The following NRXN2 variants were observed in gnomAD, a reference collection of about 807,000 sequenced individuals.
NRXN2 encodes neurexin 2, also known as neurexin-2-beta.
Under a neutral mutation model 128.8 loss-of-function variants are expected in NRXN2, and 29 were observed. The observed-to-expected ratio is 0.23, with a 90% confidence interval of 0.17 to 0.31. The LOEUF (loss-of-function observed/expected upper bound fraction) is 0.31, where lower values mean the gene tolerates loss of function less well. NRXN2 is among the 10% of genes least tolerant of loss of function. NRXN2 has a pLI of 1.00. For synonymous variants in NRXN2, 1,098 were observed against 1,075.2 expected (o/e 1.02, Z -0.41); for missense variants, 1,881 against 2,452.6 (o/e 0.77, Z 4.92).
chr11:64,678,078 A>G (rs2051610029), intron 6 of NRXN2, among the ~76,000 whole-genome samples: 1 of 152,120 alleles, frequency 6.6e-6, no homozygotes, highest in Non-Finnish European at 1.5e-5. Flanking sequence ...GTCACTGAGG[A>G]GAGGGGCAGC....
Position 64,668,546 on chromosome 11 carries a change from G to A in NRXN2, c.1256C>T (p.Thr419Ile). 1 of 1,614,088 alleles carries A rather than the reference G, an allele frequency of 6.2e-7. No individual in the cohort carries two copies. Among genetic ancestry groups the A allele is most frequent in the Non-Finnish European group, 8.5e-7 (1 of 1,180,036 alleles). Reference protein sequence around the residue: ...TTTGYTQEDYTMLGSDDFFYI... With the variant: ...TTTGYTQEDYIMLGSDDFFYI... Reference sequence around the variant, plus strand: ...GAAGAAGTCATCAGAGCCCAGCATGGTGTAATCCTCCTGCGTGTAGCCTGT... The same window carrying A: ...GAAGAAGTCATCAGAGCCCAGCATGATGTAATCCTCCTGCGTGTAGCCTGT... The change falls in exon 8 of 23, where the codon ACC becomes ATC. Residue 419 changes from threonine to isoleucine, a missense_variant. This residue lies in a region of NRXN2 where 997 missense variants were observed against 1,240.8 expected (regional missense o/e 0.80). Transcript: ENST00000265459.
Position 64,713,324 on chromosome 11 carries a change from G to A in NRXN2, c.376C>T (p.Leu126=). ...GCGCGGGCCTCGCCGTCCACCGCCA[G>A]CGCCGTGCGGCGCGCGTCGCGGGTC... ...LLTRDARRTA[L]AVDGEARAAE... is the part of the protein sequence containing the mutation. Residue 126 remains leucine, a synonymous_variant, in exon 2 of 23, where the codon CTG becomes TTG. Coordinates refer to ENST00000265459, the MANE Select transcript of NRXN2 (RefSeq NM_015080.4). 7.3e-7 allele frequency: 1 copy of A among 1,371,100 alleles called. No individual in the cohort carries two copies. The highest frequency in any genetic ancestry group is 1.7e-5 in the South Asian group (1 of 59,322). 84.9% of individuals were successfully genotyped at this position (1,371,100 alleles called of 1,614,324 possible).
chr11:64,685,895 G>T lies in NRXN2; in HGVS notation c.903C>A (p.Asp301Glu), dbSNP rs2052972018. Residue 301 changes from aspartate to glutamate, a missense_variant, in exon 6 of 23, where the codon GAC becomes GAA. Transcript: ENST00000265459. Reference sequence around the variant, plus strand: ...TGCTCTGGATGGGGTTGTGTGACAGGTCGTAGCAGAAGAACTCATTGCCTT... The same window carrying T: ...TGCTCTGGATGGGGTTGTGTGACAGTTCGTAGCAGAAGAACTCATTGCCTT... ...TFKGNEFFCY[D>E]LSHNPIQSST... 6.2e-7 allele frequency: 1 copy of T among 1,614,054 alleles called. No individual in the cohort carries two copies. Among genetic ancestry groups the T allele is most frequent in the Non-Finnish European group, 8.5e-7 (1 of 1,180,046 alleles).
rs71579872 is a variant in NRXN2 at position 64,606,516 on chromosome 11, C to A, written c.*680G>T. 1.7e-3 allele frequency: 241 copies of A among 142,892 alleles called. No homozygotes were observed. Among genetic ancestry groups the A allele is most frequent in the Non-Finnish European group, 3.0e-3 (199 of 66,370 alleles). The allele number at this position is 142,892 out of a possible 1,614,324, so 8.9% of individuals were successfully genotyped here. A position where few individuals can be genotyped will look rare whatever the true frequency, so the allele number is the denominator to read the frequency against. On this transcript the variant is annotated 3_prime_UTR_variant, in exon 23 of 23. Transcript: ENST00000265459. Reference sequence around the variant, plus strand: ...CGCCCGGCGGCACACACAGAACAGGCCTTCCGTCAGGCCTGAGCCCCTTCC... The same window carrying A: ...CGCCCGGCGGCACACACAGAACAGGACTTCCGTCAGGCCTGAGCCCCTTCC...
At position 64,711,872 on chromosome 11, in the gene NRXN2, T is replaced by C. The variant is rs73492200; in HGVS notation, c.730+1098A>G. On this transcript the variant is annotated intron_variant, in intron 2 of 22. Transcript: ENST00000265459. ...ACTCTTCGGAGGCGCTCTGAGGATT[T>C]TGTGGTGAAAAAGAAACACTCGCTT... 7.2e-3 allele frequency among the ~76,000 whole-genome samples: 1,092 copies of C among 152,302 alleles called. 8 individuals carry two copies. Among genetic ancestry groups the C allele is most frequent in the African/African-American group, 0.025 (1,046 of 41,544 alleles).
At chr11:64,700,517 A>C (rs1031144592) in intron 2 of NRXN2, among the ~76,000 whole-genome samples, 2 of 152,186 alleles carry the variant, frequency 1.3e-5, no homozygotes, top group Non-Finnish European at 2.9e-5. Context: ...CCTCACTGCA[A>C]CACAGAGCTC....
At chr11:64,691,874 G>C (rs1285808591) in intron 4 of NRXN2, among the ~76,000 whole-genome samples, 1 of 152,112 alleles carries the variant, frequency 6.6e-6, no homozygotes, top group Non-Finnish European at 1.5e-5. Flanking sequence ...CCTGCCTACC[G>C]GCTAAGGACC....
chr11:64,691,216 T>C (rs139148427), intron 4 of NRXN2, among the ~76,000 whole-genome samples: 197 of 152,286 alleles, frequency 1.3e-3, no homozygotes, highest in African/African-American at 4.0e-3. Flanking sequence ...GCTGTGCAAG[T>C]CAAAGGAGAT....
At chr11:64,679,687 T>C (rs2051908137) in intron 6 of NRXN2, among the ~76,000 whole-genome samples, 1 of 152,208 alleles carries the variant, frequency 6.6e-6, no homozygotes, top group South Asian at 2.1e-4. Flanking sequence ...GTTCTAACCC[T>C]TGGGCCTTCC....
In NRXN2 at chr11:64,713,556, C is replaced by A; in HGVS notation, c.144G>T (p.Ala48=). The change falls in exon 2 of 23, where the codon GCG becomes GCT. Residue 48 remains alanine, a synonymous_variant. Coordinates refer to ENST00000265459, the MANE Select transcript of NRXN2 (RefSeq NM_015080.4). ...GGCTGAAGCTGAGCTCGCCGCTGCT[C>A]GCCGCGCCCGCCCAGCGCGCGTAGC... The part of the protein sequence containing the change: ...WARYARWAGA[A]SSGELSFSLR... 7.0e-7 allele frequency: 1 copy of A among 1,427,252 alleles called. No individual in the cohort carries two copies. Among genetic ancestry groups the A allele is most frequent in the South Asian group, 1.4e-5 (1 of 72,494 alleles). 88.4% of individuals were successfully genotyped at this position (1,427,252 alleles called of 1,614,324 possible).
chr11:64,712,731 C>G (rs776818988), intron 2 of NRXN2: 1 of 663,396 alleles, frequency 1.5e-6, no homozygotes, highest in South Asian at 1.5e-5. Context: ...CACAGGTCGC[C>G]GCAGGACTCA....
At chr11:64,674,715 G>C in intron 7 of NRXN2, among the ~76,000 whole-genome samples, 1 of 152,124 alleles carries the variant, frequency 6.6e-6, no homozygotes, top group South Asian at 2.1e-4. Context: ...TGTTCTCCAG[G>C]GTTTGCTAGG....
chr11:64,654,534 G>A (rs1446246846), intron 11 of NRXN2, among the ~76,000 whole-genome samples: 4 of 152,190 alleles, frequency 2.6e-5, no homozygotes, highest in Admixed American at 2.0e-4. Flanking sequence ...GCCCCAGTCC[G>A]GTCCTGGCAT....
At chr11:64,654,121 G>C (rs1451362381) in intron 11 of NRXN2, among the ~76,000 whole-genome samples, 1 of 152,182 alleles carries the variant, frequency 6.6e-6, no homozygotes, top group Non-Finnish European at 1.5e-5. Flanking sequence ...GATGGGTGGG[G>C]AGAGCCAGAA....
chr11:64,708,544 T>C (rs1480703386), intron 2 of NRXN2, among the ~76,000 whole-genome samples: 1 of 152,220 alleles, frequency 6.6e-6, no homozygotes, highest in African/African-American at 2.4e-5. Context: ...CACTGAGCTC[T>C]GTCTTCAATT....
rs2042130529 is a variant in NRXN2, at chr11:64,620,310, C to T, written c.4236G>A (p.Glu1412=). The change falls in exon 22 of 23, where the codon GAG becomes GAA. Residue 1412 remains glutamate (E), a synonymous_variant. Transcript: ENST00000265459. ...GGCACTCACCAGTACTGGGCTCACACTCCTCCAGGTCCTCATCATCGCTTG... is the reference window on the plus strand; with the variant it reads ...GGCACTCACCAGTACTGGGCTCACATTCCTCCAGGTCCTCATCATCGCTTG... ...ECPSDDEDLE[E]CEPSTGGELI... is the part of the protein sequence containing the mutation. 6.4e-7 allele frequency: 1 copy of T among 1,553,366 alleles called. No homozygotes were observed. Among genetic ancestry groups the T allele is most frequent in the Non-Finnish European group, 8.7e-7 (1 of 1,147,932 alleles).
chr11:64,664,079 C>T (rs2049430906), intron 9 of NRXN2, among the ~76,000 whole-genome samples: 1 of 152,186 alleles, frequency 6.6e-6, no homozygotes, highest in Non-Finnish European at 1.5e-5. Context: ...GCCAGAGTTT[C>T]ATTTTGGGAA....
chr11:64,607,190 G>T lies in NRXN2; in HGVS notation c.*6C>A. On this transcript the variant is annotated 3_prime_UTR_variant, in exon 23 of 23. Transcript: ENST00000265459. ...GCAGCTGGCAGTGGGGCGCAGTGCC[G>T]GGGGCTCAGACATAATACTCCTTGT... 1 of 1,611,218 alleles carries T rather than the reference G, an allele frequency of 6.2e-7. No homozygotes were observed. Among genetic ancestry groups the T allele is most frequent in the South Asian group, 1.1e-5 (1 of 90,934 alleles).
chr11:64,673,299 G>A (rs761348738), intron 7 of NRXN2, among the ~76,000 whole-genome samples: 12 of 152,104 alleles, frequency 7.9e-5, no homozygotes, highest in African/African-American at 1.2e-4. Flanking sequence ...CACCTAATCC[G>A]AACTTCTCAA....
Sources: allele counts gnomAD v4.1 joint callset (sites outside exome capture counted in the v4.1 genomes callset), GRCh38; gene constraint gnomAD v4.1.1; regional missense constraint gnomAD v4.1.1; transcripts MANE v1.5; gene names NCBI Gene and HGNC (gene_info 2026-07-23, HGNC 2026-07-21).